The following NEK1 variants were observed in gnomAD, a reference collection of about 807,000 sequenced individuals.
NEK1 encodes NIMA related kinase 1, also known as serine/threonine-protein kinase Nek1.
NEK1 carries 137 observed loss-of-function variants against 182.1 expected under a neutral mutation model. The observed-to-expected ratio is 0.75, with a 90% CI of 0.65 to 0.87. NEK1 has a LOEUF of 0.87. Ranked by LOEUF, NEK1 falls within the 40% of genes least tolerant of loss-of-function variation. The pLI is 0.00. For missense variants in NEK1, 1,391 were observed against 1,494.4 expected, an observed-to-expected ratio of 0.93 and a Z score of 1.14; for synonymous variants, 513 against 492.2, an observed-to-expected ratio of 1.04 and a Z score of -0.56.
intron 2 of NEK1, among the ~76,000 whole-genome samples, chr4:169,603,485 A>T (rs988845183): frequency 1.3e-5 from 2 of 152,210 alleles, no homozygotes; most frequent in Non-Finnish European, 2.9e-5. Context: ...GTTTGGTCAC[A>T]TGTAAAATGT....
chr4:169,560,228 A>C (rs1762711387), intron 16 of NEK1, among the ~76,000 whole-genome samples: 1 of 152,152 alleles, frequency 6.6e-6, no homozygotes, highest in South Asian at 2.1e-4. Flanking sequence ...CCAGGGTTAC[A>C]ATTCTCACCT....
intron 19 of NEK1, among the ~76,000 whole-genome samples, chr4:169,531,211 G>C (rs1757625036): frequency 6.6e-6 from 1 of 152,088 alleles, no homozygotes; most frequent in African/African-American, 2.4e-5. Context: ...AAATGTCACA[G>C]AGCGGCAGAG....
chr4:169,510,361 T>C (rs1295305365), intron 19 of NEK1, among the ~76,000 whole-genome samples: 1 of 152,182 alleles, frequency 6.6e-6, no homozygotes, highest in Non-Finnish European at 1.5e-5. Context: ...TATAATCTTA[T>C]TCCCAATTCA....
chr4:169,593,123 C>A (rs771176598), intron 5 of NEK1, among the ~76,000 whole-genome samples: 5 of 148,444 alleles, frequency 3.4e-5, no homozygotes, highest in African/African-American at 1.0e-4. Context: ...CAACAATGTA[C>A]CAGATATGTG....
intron 26 of NEK1, among the ~76,000 whole-genome samples, chr4:169,467,706 A>G (rs1293323216): frequency 6.6e-6 from 1 of 152,100 alleles, no homozygotes; most frequent in African/African-American, 2.4e-5. Flanking sequence ...TTTAAATCCA[A>G]TCACATTAAT....
intron 27 of NEK1, among the ~76,000 whole-genome samples, chr4:169,442,163 C>A (rs1014301535): frequency 6.6e-6 from 1 of 152,190 alleles, no homozygotes; most frequent in Non-Finnish European, 1.5e-5. Flanking sequence ...GACCCACTAT[C>A]ACCAGTGCCT....
chr4:169,606,920 G>T lies in NEK1; in HGVS notation c.-48-4242C>A, dbSNP rs140671866. Among the ~76,000 whole-genome samples, 569 of 152,340 alleles carry T rather than the reference G, an allele frequency of 3.7e-3. 6 individuals are homozygous for T. Among genetic ancestry groups the T allele is most frequent in the African/African-American group, 0.012 (510 of 41,584 alleles). On this transcript the variant is annotated intron_variant, in intron 2 of 35. Transcript: ENST00000507142. ...CATTCATCCCAGCCTTTTCCCTGAA[G>T]AGAGTTTCCAAACTGTGCTACAGTA... is the stretch of plus-strand genomic sequence containing the variant.
intron 23 of NEK1, among the ~76,000 whole-genome samples, chr4:169,488,489 T>C (rs926266553): frequency 6.6e-6 from 1 of 152,204 alleles, no homozygotes; most frequent in Non-Finnish European, 1.5e-5. Context: ...CGTGTAGGTA[T>C]GTGGTTTATT....
rs372232750 is a variant in NEK1 at position 169,577,180 on chromosome 4, G to C, written c.869-101C>G. On this transcript the variant is annotated intron_variant, in intron 11 of 35. Transcript: ENST00000507142. ...GCACTGTTTAATTTTCATAATCATT[G>C]ATAGTATTTTAAACTTTCTATCAAA... is the stretch of plus-strand genomic sequence containing the variant. 140 of 1,122,364 alleles carry C rather than the reference G, an allele frequency of 1.2e-4. No individual in the cohort carries two copies. In the African/African-American group the frequency reaches 2.0e-3, roughly 16 times the overall value. The allele number at this position is 1,122,364 out of a possible 1,614,324, so 69.5% of individuals were successfully genotyped here.
rs1762100108 is a variant in NEK1, at chr4:169,555,928, A to G, written c.1430+4T>C. ...TAAGCAACTTCTGCAGAACATAGCC[A>G]TACCTTTCTGGAAGACCTCGACCAT... On this transcript the variant is annotated splice_donor_region_variant and intron_variant, in intron 17 of 35. Coordinates refer to ENST00000507142, the MANE Select transcript of NEK1 (RefSeq NM_001199397.3). The G allele has an allele frequency of 6.2e-7, 1 of 1,613,546 alleles. No individual in the cohort carries two copies. Among genetic ancestry groups the G allele is most frequent in the Non-Finnish European group, 8.5e-7 (1 of 1,179,656 alleles).
intron 18 of NEK1, among the ~76,000 whole-genome samples, chr4:169,549,192 G>A (rs567697490): frequency 6.6e-6 from 1 of 152,252 alleles, no homozygotes; most frequent in East Asian, 1.9e-4. Flanking sequence ...GTTCCTAATG[G>A]CTTCCCTTGG....
chr4:169,563,527 A>G (rs1763253268), intron 12 of NEK1, among the ~76,000 whole-genome samples: 1 of 152,178 alleles, frequency 6.6e-6, no homozygotes, highest in Admixed American at 6.5e-5. Flanking sequence ...GTAGGTAATC[A>G]TATCAAATGT....
At chr4:169,407,982 G>A (rs1359961622) in intron 31 of NEK1, among the ~76,000 whole-genome samples, 1 of 152,190 alleles carries the variant, frequency 6.6e-6, no homozygotes, top group Non-Finnish European at 1.5e-5. Context: ...GGTACTGGAA[G>A]TATTTCTTTT....
At chr4:169,570,496 AAG>A (rs1764596294) in intron 12 of NEK1, among the ~76,000 whole-genome samples, 1 of 128,656 alleles carries the variant, frequency 7.8e-6, no homozygotes, top group Non-Finnish European at 1.6e-5. Flanking sequence ...CCCCGTCCGG[AAG>A]GGAGGTGGGG....
At position 169,540,655 on chromosome 4, in the gene NEK1, C is replaced by A. The variant is rs899448003; in HGVS notation, c.1563-2744G>T. 9.2e-5 allele frequency among the ~76,000 whole-genome samples: 14 copies of A among 152,030 alleles called. 2 individuals are homozygous for A. In the South Asian group the frequency reaches 2.7e-3, roughly 29 times the overall value. On this transcript the variant is annotated intron_variant, in intron 18 of 35. Transcript: ENST00000507142. The stretch of plus-strand genomic sequence containing the variant: ...ATTTCTTTTGAGTTCCAGAATTATA[C>A]CACTTAAAATCAGTAAAACACTGAC...
chr4:169,463,988 T>C (rs531385864), intron 26 of NEK1, among the ~76,000 whole-genome samples: 17 of 152,278 alleles, frequency 1.1e-4, no homozygotes, highest in African/African-American at 4.1e-4. Context: ...TTTTATATAA[T>C]ATTTTAAACA....
At chr4:169,459,008 G>A (rs1025847927) in intron 27 of NEK1, among the ~76,000 whole-genome samples, 3 of 151,410 alleles carry the variant, frequency 2.0e-5, no homozygotes, top group Admixed American at 6.6e-5. Flanking sequence ...ACGGATTAGA[G>A]ATACTCAACT....
At chr4:169,604,588 T>C (rs1018498843) in intron 2 of NEK1, among the ~76,000 whole-genome samples, 1 of 152,254 alleles carries the variant, frequency 6.6e-6, no homozygotes, top group Non-Finnish European at 1.5e-5. Context: ...GTTTACCATA[T>C]TTCTCATTGT....
intron 26 of NEK1, among the ~76,000 whole-genome samples, chr4:169,471,754 C>CGA (rs994093956): frequency 5.9e-5 from 9 of 152,260 alleles, no homozygotes; most frequent in African/African-American, 2.2e-4. Flanking sequence ...TGCTCTGTCC[C>CGA]AGGGACATGG....
Sources: allele counts gnomAD v4.1 joint callset (sites outside exome capture counted in the v4.1 genomes callset), GRCh38; gene constraint gnomAD v4.1.1; transcripts MANE v1.5; gene names NCBI Gene and HGNC (gene_info 2026-07-23, HGNC 2026-07-21).